The following ATP10A variants were observed in gnomAD, a reference collection of about 807,000 sequenced individuals.
ATP10A encodes phospholipid-transporting ATPase VA.
A neutral mutation model predicts 147.8 loss-of-function variants in ATP10A; 111 were observed. The observed-to-expected ratio is 0.75, with a 90% confidence interval of 0.64 to 0.88. The LOEUF is 0.88. ATP10A is among the 40% of genes least tolerant of loss of function. The pLI is 0.00. For missense variants in ATP10A, 1,927 were observed against 1,959.0 expected, an observed-to-expected ratio of 0.98 and a Z score of 0.31; for synonymous variants, 875 against 841.6, an observed-to-expected ratio of 1.04 and a Z score of -0.69.
chr15:25,785,851 C>T (rs1187143429), intron 1 of ATP10A, among the ~76,000 whole-genome samples: 1 of 152,188 alleles, frequency 6.6e-6, no homozygotes, highest in Non-Finnish European at 1.5e-5. Context: ...GGGGGCACCA[C>T]CCACCTCGCC....
At chr15:25,707,567 C>T (rs868003786) in intron 12 of ATP10A, among the ~76,000 whole-genome samples, 7 of 152,116 alleles carry the variant, frequency 4.6e-5, no homozygotes, top group Non-Finnish European at 7.3e-5. Flanking sequence ...AAAATGAGCC[C>T]ATTTTCTTTT....
intron 6 of ATP10A, among the ~76,000 whole-genome samples, chr15:25,723,423 G>A (rs1221166402): frequency 6.6e-6 from 1 of 151,896 alleles, no homozygotes; most frequent in Non-Finnish European, 1.5e-5. Context: ...AATGTCCCAT[G>A]ACAATGTAAT....
At chr15:25,861,496 A>G (rs1241886847) in intron 1 of ATP10A, among the ~76,000 whole-genome samples, 1 of 152,180 alleles carries the variant, frequency 6.6e-6, no homozygotes, top group Non-Finnish European at 1.5e-5. Flanking sequence ...ACTCAACTAC[A>G]GAGGCACGCA....
chr15:25,802,211 G>A (rs1403667623), intron 1 of ATP10A, among the ~76,000 whole-genome samples: 3 of 152,180 alleles, frequency 2.0e-5, no homozygotes, highest in East Asian at 1.9e-4. Context: ...AAACACGTGC[G>A]TGTGCCTGCG....
At chr15:25,865,055 A>AATGCTG (rs1477230525), upstream of ATP10A, 4 of 152,246 alleles carry the variant, frequency 2.6e-5, no homozygotes, top group African/African-American at 9.7e-5. Flanking sequence ...TACAAAGCCA[A>AATGCTG]ATGCTGATTC....
At chr15:25,801,787 C>G (rs1004847392) in intron 1 of ATP10A, among the ~76,000 whole-genome samples, 2 of 152,208 alleles carry the variant, frequency 1.3e-5, no homozygotes, top group Non-Finnish European at 2.9e-5. Context: ...GGAAGGCCCC[C>G]GTGCCAGTCT....
chr15:25,843,600 T>A (rs1321394873), intron 1 of ATP10A, among the ~76,000 whole-genome samples: 1 of 152,030 alleles, frequency 6.6e-6, no homozygotes, highest in Non-Finnish European at 1.5e-5. Context: ...CACCTATGAG[T>A]GAATACAGCT....
chr15:25,809,250 A>G (rs918697810), intron 1 of ATP10A, among the ~76,000 whole-genome samples: 3 of 152,118 alleles, frequency 2.0e-5, no homozygotes, highest in African/African-American at 7.2e-5. Flanking sequence ...AGGATGTCAC[A>G]TGAAGAGCCC....
intron 1 of ATP10A, among the ~76,000 whole-genome samples, chr15:25,790,305 G>T (rs750391105): frequency 3.9e-5 from 6 of 152,190 alleles, no homozygotes; most frequent in Non-Finnish European, 8.8e-5. Flanking sequence ...TGTATTTTCT[G>T]AACTACTTTC....
At chr15:25,809,689 G>C (rs575276515) in intron 1 of ATP10A, among the ~76,000 whole-genome samples, 1 of 133,250 alleles carries the variant, frequency 7.5e-6, no homozygotes, top group African/African-American at 2.6e-5. Context: ...GAACAGTGCT[G>C]TTCCCCACAG....
chr15:25,827,859 T>C (rs189451998), intron 1 of ATP10A, among the ~76,000 whole-genome samples: 2 of 152,232 alleles, frequency 1.3e-5, no homozygotes, highest in Admixed American at 6.5e-5. Context: ...ACTGACAGAA[T>C]AGATTTTTTA....
intron 7 of ATP10A, among the ~76,000 whole-genome samples, chr15:25,720,330 ACTCT>A (rs1166821924): frequency 6.6e-6 from 1 of 151,984 alleles, no homozygotes; most frequent in Non-Finnish European, 1.5e-5. Context: ...GTTAAAATTT[ACTCT>A]CTGAGTCGTT....
intron 1 of ATP10A, among the ~76,000 whole-genome samples, chr15:25,804,200 GTA>G (rs1385719783): frequency 5.3e-5 from 8 of 151,228 alleles, no homozygotes; most frequent in African/African-American, 9.7e-5. Context: ...ATGTAGCTTG[GTA>G]TGTGTGTGCA....
intron 1 of ATP10A, among the ~76,000 whole-genome samples, chr15:25,855,573 C>CACACACACAT (rs1324967698): frequency 3.3e-5 from 5 of 151,588 alleles, no homozygotes; most frequent in Admixed American, 1.3e-4. Context: ...CACACACACA[C>CACACACACAT]ATACATGCAA....
chr15:25,855,507 A>T (rs1893472331), intron 1 of ATP10A, among the ~76,000 whole-genome samples: 2 of 150,496 alleles, frequency 1.3e-5, no homozygotes, highest in South Asian at 4.2e-4. Context: ...AGCATCTATA[A>T]AACCCCACAG....
chr15:25,690,657 G>C (rs1273203686), intron 15 of ATP10A, among the ~76,000 whole-genome samples: 1 of 152,102 alleles, frequency 6.6e-6, no homozygotes, highest in African/African-American at 2.4e-5. Flanking sequence ...CATATAAGTG[G>C]ACTCAAACAG....
chr15:25,747,910 T>C (rs896872224), intron 2 of ATP10A, among the ~76,000 whole-genome samples: 6 of 152,112 alleles, frequency 3.9e-5, no homozygotes, highest in African/African-American at 1.4e-4. Flanking sequence ...TAAAACACAA[T>C]AAACATATTA....
chr15:25,854,906 A>T (rs1893442279), intron 1 of ATP10A, among the ~76,000 whole-genome samples: 1 of 152,156 alleles, frequency 6.6e-6, no homozygotes, highest in South Asian at 2.1e-4. Flanking sequence ...AGAAAAATAC[A>T]AAAATTAGCC....
At chr15:25,705,629 GCCTC>G (rs1900954582) in intron 12 of ATP10A, among the ~76,000 whole-genome samples, 1 of 152,104 alleles carries the variant, frequency 6.6e-6, no homozygotes, top group Admixed American at 6.5e-5. Context: ...TCCAGCTCAG[GCCTC>G]GTCATTTGAA....
Sources: gnomAD v4.1 joint callset for allele counts (sites outside exome capture counted in the v4.1 genomes callset) on GRCh38, gnomAD v4.1.1 for gene constraint, MANE v1.5 for transcripts, NCBI Gene and HGNC (gene_info 2026-07-23, HGNC 2026-07-21) for gene names.